MS4A14: variants seen among roughly 807,000 people sequenced by gnomAD.
MS4A14 encodes membrane-spanning 4-domains subfamily A member 14.
A neutral mutation model predicts 16.7 loss-of-function variants in MS4A14; 18 were observed. That is an observed-to-expected ratio of 1.08 (90% confidence interval 0.75 to 1.60). The LOEUF is 1.60. Ranked by LOEUF, MS4A14 falls within the 40% of genes most tolerant of loss-of-function variation. MS4A14 has a pLI of 0.00. For synonymous variants in MS4A14, 305 were observed against 289.4 expected (o/e 1.05, Z -0.55); for missense variants, 812 against 775.3 (o/e 1.05, Z -0.56).
At position 60,404,788 on chromosome 11, in the gene MS4A14, C is replaced by T. The variant is rs74695169; in HGVS notation, c.468+1727C>T. 5.5e-3 allele frequency: 1,721 copies of T among 311,270 alleles called. 35 individuals are homozygous for T. The highest frequency in any genetic ancestry group is 0.034 in the African/African-American group (1,566 of 46,260). 19.3% of individuals were successfully genotyped at this position (311,270 alleles called of 1,614,324 possible). A position where few individuals can be genotyped will look rare whatever the true frequency, so the allele number is the denominator to read the frequency against. On this transcript the variant is annotated intron_variant, in intron 4 of 4. Coordinates refer to ENST00000300187, the MANE Select transcript of MS4A14 (RefSeq NM_032597.5). ...CTGCATAGATCCCCCATTAGAGTAGCGCATAGCTCCCAATCCTTCTTCACA... is the reference window on the plus strand; with the variant it reads ...CTGCATAGATCCCCCATTAGAGTAGTGCATAGCTCCCAATCCTTCTTCACA...
At position 60,415,808 on chromosome 11, in the gene MS4A14, A is replaced by G; in HGVS notation, c.840A>G (p.Gln280=). 5.6e-6 allele frequency: 9 copies of G among 1,613,810 alleles called. No individual in the cohort carries two copies. Among genetic ancestry groups the G allele is most frequent in the Non-Finnish European group, 7.6e-6 (9 of 1,179,892 alleles). The change falls in exon 5 of 5, where the codon CAA becomes CAG. Residue 280 remains glutamine (Q), a synonymous_variant. Coordinates refer to ENST00000300187, the MANE Select transcript of MS4A14 (RefSeq NM_032597.5). ...TFKQMKDEDL[Q]SAIVQPSQMQ... is the part of the protein sequence containing the mutation. ...AACAAATGAAAGATGAAGATCTACAATCTGCTATTGTACAACCTTCTCAAA... is the reference window on the plus strand; with the variant it reads ...AACAAATGAAAGATGAAGATCTACAGTCTGCTATTGTACAACCTTCTCAAA...
intron 4 of MS4A14, chr11:60,404,521 A>T (rs1475756856): frequency 2.2e-6 from 1 of 456,734 alleles, no homozygotes; most frequent in Non-Finnish European, 4.4e-6. Flanking sequence ...CACCTATCCT[A>T]CCTATCTTTC....
intron 4 of MS4A14, among the ~76,000 whole-genome samples, chr11:60,408,171 T>C (rs1453552961): frequency 6.6e-6 from 1 of 152,202 alleles, no homozygotes; most frequent in Non-Finnish European, 1.5e-5. Flanking sequence ...TTGGTATTTT[T>C]GTTGAAAATC....
At chr11:60,408,267 C>A (rs189791213) in intron 4 of MS4A14, among the ~76,000 whole-genome samples, 1 of 152,316 alleles carries the variant, frequency 6.6e-6, no homozygotes, top group African/African-American at 2.4e-5. Flanking sequence ...ATTCTACACT[C>A]TCTTCATTTC....
intron 2 of MS4A14, among the ~76,000 whole-genome samples, chr11:60,399,025 G>T (rs1295619368): frequency 6.6e-6 from 1 of 152,146 alleles, no homozygotes; most frequent in East Asian, 1.9e-4. Context: ...TCACTTAAAA[G>T]ATATTTACTG....
intron 2 of MS4A14, 100 bp downstream of exon 2, chr11:60,398,080 A>T: frequency 1.5e-6 from 2 of 1,338,440 alleles, no homozygotes; most frequent in Non-Finnish European, 2.0e-6. Flanking sequence ...ATGGCCCTCC[A>T]GGAGACCAAA....
chr11:60,400,341 A>C, intron 2 of MS4A14, 63 bp from the exon 3 acceptor site: 1 of 1,170,956 alleles, frequency 8.5e-7, no homozygotes, highest in South Asian at 1.4e-5. Context: ...ATCCAAGGGA[A>C]ATTATACTGC....
At chr11:60,397,785 G>A in intron 1 of MS4A14, 67 bp from the exon 2 acceptor site, 1 of 1,547,864 alleles carries the variant, frequency 6.5e-7, no homozygotes. Flanking sequence ...CACACCCTGA[G>A]GGACGTGGGG....
In MS4A14 at chr11:60,416,084, T is replaced by C. The variant is rs778875562; in HGVS notation, c.1116T>C (p.Phe372=). The C allele has an allele frequency of 5.6e-6, 9 of 1,610,950 alleles. No homozygotes were observed. The highest frequency in any genetic ancestry group is 2.2e-5 in the South Asian group (2 of 90,750). Reference sequence around the variant, plus strand: ...ACACATCATCTCAAGATATGCTGTTTCATGACATGACATCCCAAGATATGC... The same window carrying C: ...ACACATCATCTCAAGATATGCTGTTCCATGACATGACATCCCAAGATATGC... ...SQDTSSQDML[F]HDMTSQDMQS... Residue 372 remains phenylalanine, a synonymous_variant, in exon 5 of 5, where the codon TTT becomes TTC. Transcript: ENST00000300187.
At position 60,416,601 on chromosome 11, in the gene MS4A14, A is replaced by G. The variant is rs753575753; in HGVS notation, c.1633A>G (p.Arg545Gly). 2.4e-5 allele frequency: 38 copies of G among 1,613,822 alleles called. No individual in the cohort carries two copies. The highest frequency in any genetic ancestry group is 3.0e-5 in the Non-Finnish European group (35 of 1,179,946). Residue 545 changes from arginine (R) to glycine (G), a missense_variant, in exon 5 of 5, where the codon AGG (arginine) becomes GGG (glycine). Arg to Gly is a moderately radical substitution (Grantham distance 125). Coordinates refer to ENST00000300187, the MANE Select transcript of MS4A14 (RefSeq NM_032597.5). ...QQIKDWLSPK[R>G]HSVDKQAQLN... ...AATCAAAGACTGGCTATCCCCAAAG[A>G]GGCACTCCGTAGATAAGCAAGCTCA...
chr11:60,404,664 C>G (rs759202832), intron 4 of MS4A14: 137 of 449,484 alleles, frequency 3.0e-4, no homozygotes, highest in South Asian at 9.9e-4. Flanking sequence ...GAACCGTCAC[C>G]AGGCCAGTTA....
intron 2 of MS4A14, among the ~76,000 whole-genome samples, chr11:60,399,170 A>G (rs1384260175): frequency 6.6e-6 from 1 of 152,220 alleles, no homozygotes; most frequent in Non-Finnish European, 1.5e-5. Flanking sequence ...CTAGACATGA[A>G]AAAGTCAAAA....
At chr11:60,414,858 C>T (rs2085915696) in intron 4 of MS4A14, among the ~76,000 whole-genome samples, 1 of 152,072 alleles carries the variant, frequency 6.6e-6, no homozygotes, top group African/African-American at 2.4e-5. Flanking sequence ...GTAATTCCTA[C>T]TCAGCTGTTA....
intron 3 of MS4A14, among the ~76,000 whole-genome samples, chr11:60,402,209 G>T (rs374560046): frequency 7.1e-6 from 1 of 141,526 alleles, no homozygotes; most frequent in Non-Finnish European, 1.5e-5. Context: ...AAAGGGAATT[G>T]GGTGGGGCAG....
At position 60,416,369 on chromosome 11, in the gene MS4A14, G is replaced by A. The variant is rs145054362; in HGVS notation, c.1401G>A (p.Glu467=). ...ATATTAGATCAGAAGTTATGGAAGA[G>A]ACCAAAGAATGGAAATCTGAGGAGG... The part of the protein sequence containing the change: ...YQDIRSEVME[E]TKEWKSEEEL... Residue 467 remains glutamate (E), a synonymous_variant, in exon 5 of 5, where the codon GAG becomes GAA. Transcript: ENST00000300187. 4.3e-6 allele frequency: 7 copies of A among 1,613,972 alleles called. No individual in the cohort carries two copies. Among genetic ancestry groups the A allele is most frequent in the Non-Finnish European group, 5.9e-6 (7 of 1,179,950 alleles).
At position 60,417,180 on chromosome 11, in the gene MS4A14, A is replaced by G. The variant is rs2085960962; in HGVS notation, c.*172A>G. 1.3e-6 allele frequency: 1 copy of G among 741,222 alleles called. No homozygotes were observed. Among genetic ancestry groups the G allele is most frequent in the Non-Finnish European group, 2.1e-6 (1 of 481,182 alleles). The allele number at this position is 741,222 out of a possible 1,614,324, so 45.9% of individuals were successfully genotyped here. A position where few individuals can be genotyped will look rare whatever the true frequency, so the allele number is the denominator to read the frequency against. On this transcript the variant is annotated 3_prime_UTR_variant, in exon 5 of 5. Transcript: ENST00000300187. ...CATAACCTAGAATGTCAAGACACTC[A>G]AGATAAAGACCAACAAGACCTTCAA...
chr11:60,399,519 C>T (rs922635260), intron 2 of MS4A14, among the ~76,000 whole-genome samples: 5 of 152,178 alleles, frequency 3.3e-5, no homozygotes, highest in African/African-American at 1.2e-4. Flanking sequence ...GGGAAAGCCA[C>T]TGAACGTTTT....
At chr11:60,412,923 G>A (rs899189649) in intron 4 of MS4A14, among the ~76,000 whole-genome samples, 1 of 151,900 alleles carries the variant, frequency 6.6e-6, no homozygotes, top group Admixed American at 6.5e-5. Context: ...TGAGCCTATA[G>A]ATAATTTATA....
chr11:60,413,349 T>A (rs2085894424), intron 4 of MS4A14, among the ~76,000 whole-genome samples: 1 of 140,986 alleles, frequency 7.1e-6, no homozygotes, highest in Admixed American at 7.3e-5. Flanking sequence ...TAGTCTCCAA[T>A]ACAATGTTTA....
Sources: gnomAD v4.1 joint callset for allele counts (sites outside exome capture counted in the v4.1 genomes callset) on GRCh38, gnomAD v4.1.1 for gene constraint, MANE v1.5 for transcripts, NCBI Gene and HGNC (gene_info 2026-07-23, HGNC 2026-07-21) for gene names.